LRP1B: variants seen among roughly 807,000 people sequenced by gnomAD.
LRP1B encodes the protein LDL receptor related protein 1B.
LRP1B carries 217 observed loss-of-function variants against 556.6 expected under a neutral mutation model. The observed-to-expected ratio is 0.39, with a 90% CI of 0.35 to 0.44. The LOEUF (loss-of-function observed/expected upper bound fraction) is 0.44. LRP1B is among the 20% of genes least tolerant of loss of function. The probability of loss-of-function intolerance (pLI) is 1.00; values close to 1 mark genes in which losing one functional copy is unlikely to be tolerated. For synonymous variants in LRP1B, 2,047 were observed against 1,865.8 expected, an observed-to-expected ratio of 1.10 and a Z score of -2.50; for missense variants, 5,053 against 5,620.8, an observed-to-expected ratio of 0.90 and a Z score of 3.23.
intron 1 of LRP1B, among the ~76,000 whole-genome samples, chr2:142,017,506 T>G (rs1340442593): frequency 6.6e-6 from 1 of 152,156 alleles, no homozygotes; most frequent in African/African-American, 2.4e-5. Flanking sequence ...ATCTTTCAAG[T>G]TCCCACATCT....
intron 21 of LRP1B, 22 bp downstream of exon 21, chr2:140,922,943 G>C (rs1245122807): frequency 6.2e-7 from 1 of 1,603,794 alleles, no homozygotes; most frequent in Non-Finnish European, 8.5e-7. Context: ...CCCAATAGAA[G>C]CCAAAAGCAA....
At chr2:140,269,680 A>G (rs554884951) in intron 86 of LRP1B, among the ~76,000 whole-genome samples, 8 of 151,992 alleles carry the variant, frequency 5.3e-5, no homozygotes, top group Admixed American at 2.0e-4. Context: ...CAGATCATGG[A>G]GGGGGGAAAA....
intron 1 of LRP1B, among the ~76,000 whole-genome samples, chr2:141,971,340 T>C (rs796913645): frequency 3.3e-5 from 5 of 151,566 alleles, no homozygotes; most frequent in African/African-American, 1.2e-4. Flanking sequence ...AAGTTTCTTA[T>C]ATTATGGAAG....
At chr2:140,466,124 CTTTTTTT>C (rs74381027) in intron 60 of LRP1B, among the ~76,000 whole-genome samples, 24 of 125,718 alleles carry the variant, frequency 1.9e-4, no homozygotes, top group African/African-American at 3.2e-4. Context: ...TTTCTTTTTT[CTTTTTTT>C]TTTTTTTTTG....
chr2:140,594,031 G>A (rs567499), intron 43 of LRP1B, among the ~76,000 whole-genome samples: 47,354 of 151,456 alleles, frequency 0.31, 7,637 homozygotes, highest in African/African-American at 0.36. Context: ...AGGCTGGAGT[G>A]CAGTGACATG....
At chr2:141,177,128 A>C (rs1680771184) in intron 7 of LRP1B, among the ~76,000 whole-genome samples, 1 of 152,062 alleles carries the variant, frequency 6.6e-6, no homozygotes. Flanking sequence ...TGTTTTAATC[A>C]GGCATCTTTT....
chr2:140,538,363 T>C (rs915667145), intron 45 of LRP1B, among the ~76,000 whole-genome samples: 5 of 152,076 alleles, frequency 3.3e-5, no homozygotes, highest in African/African-American at 9.7e-5. Flanking sequence ...TTTTCAACCT[T>C]TGTCCACCGT....
chr2:141,673,325 T>C (rs529119697), intron 2 of LRP1B, among the ~76,000 whole-genome samples: 1 of 152,304 alleles, frequency 6.6e-6, no homozygotes, highest in East Asian at 1.9e-4. Flanking sequence ...CTGAAATGAA[T>C]TTCACCTCCT....
intron 2 of LRP1B, among the ~76,000 whole-genome samples, chr2:141,491,109 G>A (rs72989098): frequency 0.031 from 4,784 of 152,062 alleles, 271 homozygotes; most frequent in African/African-American, 0.11. Context: ...AAGTACTTTT[G>A]TTTGAGGGAA....
rs1016660940 is a variant in LRP1B at position 140,846,085 on chromosome 2, T to G, written c.4939+4017A>C. Among the ~76,000 whole-genome samples the G allele has an allele frequency of 5.3e-5, 8 of 152,034 alleles. No individual in the cohort carries two copies. The East Asian group carries it at 1.5e-3, about 29-fold the overall frequency. On this transcript the variant is annotated intron_variant, in intron 29 of 90. Transcript: ENST00000389484. ...AAAAAGCAAAGATGTTACAAGTAGC[T>G]AGAGAGCAAAGAGACATCACCAAAA...
chr2:140,599,054 A>G (rs1451159430), intron 42 of LRP1B, among the ~76,000 whole-genome samples: 1 of 152,132 alleles, frequency 6.6e-6, no homozygotes, highest in East Asian at 1.9e-4. Context: ...CTACTTCTAA[A>G]AAATAATTAT....
intron 83 of LRP1B, among the ~76,000 whole-genome samples, chr2:140,309,879 T>TCGTAATACTAC (rs1366670812): frequency 2.0e-5 from 3 of 151,734 alleles, no homozygotes; most frequent in Non-Finnish European, 3.0e-5. Context: ...ATCTCCAATT[T>TCGTAATACTAC]CGTAATACTA....
chr2:141,193,179 C>T (rs1681596274), intron 6 of LRP1B, among the ~76,000 whole-genome samples: 1 of 151,914 alleles, frequency 6.6e-6, no homozygotes, highest in African/African-American at 2.4e-5. Context: ...TATGGCAATT[C>T]CTCAAAGAGC....
chr2:142,028,786 C>A (rs149553075), intron 1 of LRP1B, among the ~76,000 whole-genome samples: 1 of 151,914 alleles, frequency 6.6e-6, no homozygotes, highest in Non-Finnish European at 1.5e-5. Context: ...TCCTCAGCAA[C>A]ATATGAGTTA....
At chr2:141,468,428 G>C (rs141955693) in intron 3 of LRP1B, among the ~76,000 whole-genome samples, 1,895 of 152,118 alleles carry the variant, frequency 0.012, 34 homozygotes, top group African/African-American at 0.042. Context: ...ATAGACACAG[G>C]CTAGGAAAAT....
intron 41 of LRP1B, among the ~76,000 whole-genome samples, chr2:140,630,715 G>A (rs757813652): frequency 1.2e-4 from 18 of 152,124 alleles, no homozygotes; most frequent in South Asian, 2.1e-4. Context: ...AAAAGTAAGC[G>A]TTTAAAAAAT....
chr2:141,645,922 T>C (rs183251218), intron 2 of LRP1B, among the ~76,000 whole-genome samples: 31 of 152,250 alleles, frequency 2.0e-4, no homozygotes, highest in African/African-American at 7.5e-4. Context: ...AAGTAATGAA[T>C]TTCAGTCTAA....
At chr2:140,366,294 G>C (rs954087460) in intron 71 of LRP1B, among the ~76,000 whole-genome samples, 5 of 151,694 alleles carry the variant, frequency 3.3e-5, no homozygotes, top group Non-Finnish European at 7.4e-5. Context: ...AAAGGAGAGT[G>C]AGCACATAAA....
chr2:141,401,716 C>T (rs1288046082), intron 3 of LRP1B, among the ~76,000 whole-genome samples: 1 of 152,150 alleles, frequency 6.6e-6, no homozygotes, highest in African/African-American at 2.4e-5. Context: ...AGTTTGGCAA[C>T]ACCCTTGGCT....
Sources: gnomAD v4.1 joint callset for allele counts (sites outside exome capture counted in the v4.1 genomes callset) on GRCh38, gnomAD v4.1.1 for gene constraint, MANE v1.5 for transcripts, NCBI Gene and HGNC (gene_info 2026-07-23, HGNC 2026-07-21) for gene names.